The following CYGB variants were observed in gnomAD, a reference collection of about 807,000 sequenced individuals.
CYGB encodes the protein cytoglobin.
Under a neutral mutation model 20.7 loss-of-function variants are expected in CYGB, and 13 were observed. The ratio of observed to expected loss-of-function variants is 0.63; its 90% CI spans 0.41 to 1.00. The LOEUF (loss-of-function observed/expected upper bound fraction) is 1.00. Ranked by LOEUF, CYGB falls within the 50% of genes least tolerant of loss-of-function variation. The pLI, the probability that CYGB is intolerant of heterozygous loss-of-function variation, is 0.00. For synonymous variants in CYGB, 93 were observed against 107.4 expected (o/e 0.87, Z 0.83); for missense variants, 218 against 257.2 (o/e 0.85, Z 1.04).
chr17:76,537,326 GGCCCA>G, intron 1 of CYGB, 69 bp downstream of exon 1: 1 of 1,444,372 alleles, frequency 6.9e-7, no homozygotes, highest in Non-Finnish European at 9.1e-7. Context: ...CTCGGACCCG[GGCCCA>G]GCCCTCCTCT....
rs1426689313 is a variant in CYGB, at chr17:76,546,884, C to T, written c.-53+3978G>A. ...AGGAAAGTGAGGTTCACAGAACTTG[C>T]TCAAGGTCACTCATAGCTGGCAGTG... is the stretch of plus-strand genomic sequence containing the variant. On this transcript the variant is annotated intron_variant, in intron 1 of 3. Coordinates refer to the CYGB transcript ENST00000589145. The surrounding 1 kb of genome is among the most constrained non-coding windows in gnomAD (Gnocchi z 4.5). 1.3e-5 allele frequency: 2 copies of T among 152,216 alleles called. No individual in the cohort carries two copies. The highest frequency in any genetic ancestry group is 2.9e-5 in the Non-Finnish European group (2 of 68,048). The allele number at this position is 152,216 out of a possible 1,614,324, so 9.4% of individuals were successfully genotyped here.
chr17:76,540,752 G>A (rs2074982661), upstream of CYGB, among the ~76,000 whole-genome samples: 1 of 152,204 alleles, frequency 6.6e-6, no homozygotes, highest in Non-Finnish European at 1.5e-5. This position sits in a 1 kb window ranked among gnomAD's most constrained non-coding sequence, Gnocchi z 5.0. Flanking sequence ...TGTTTTCTGC[G>A]GTTGGGAATG....
Position 76,537,597 on chromosome 17 carries a change from G to C in CYGB, c.-55C>G, listed in dbSNP as rs566257286. On this transcript the variant is annotated 5_prime_UTR_variant, in exon 1 of 4. Coordinates refer to ENST00000293230, the MANE Select transcript of CYGB (RefSeq NM_134268.5). ...TCGGCGGCGGCGGTGGCGGGGCGCGGGGCGCGGGGCGCGGGGCGCCGGGAG... is the reference window on the plus strand; with the variant it reads ...TCGGCGGCGGCGGTGGCGGGGCGCGCGGCGCGGGGCGCGGGGCGCCGGGAG... 2 of 1,049,740 alleles carry C rather than the reference G, an allele frequency of 1.9e-6. No homozygotes were observed. Among genetic ancestry groups the C allele is most frequent in the South Asian group, 8.8e-5 (2 of 22,804 alleles). The allele number at this position is 1,049,740 out of a possible 1,614,324, so 65.0% of individuals were successfully genotyped here. A position where few individuals can be genotyped will look rare whatever the true frequency, so the allele number is the denominator to read the frequency against.
At chr17:76,529,556 T>C (rs1003659417) in intron 3 of CYGB, 2 of 985,200 alleles carry the variant, frequency 2.0e-6, no homozygotes, top group Admixed American at 1.2e-4. Context: ...TTGGCCCTTG[T>C]AAAAAAGCCC....
rs372700920 is a variant in CYGB, at chr17:76,544,498, C to T, written c.-53+6364G>A. 7.9e-5 allele frequency: 36 copies of T among 456,196 alleles called. No individual in the cohort carries two copies. The East Asian group carries it at 1.6e-3, about 20-fold the overall frequency. 28.3% of individuals were successfully genotyped at this position (456,196 alleles called of 1,614,324 possible). ...GGCTGGGGTGTGTGCGAAGGCAGTT[C>T]TGTGGGAGCCTCTCAAAGTAGGGCA... On this transcript the variant is annotated intron_variant, in intron 1 of 3. Transcript: ENST00000589145.
intron 1 of CYGB, chr17:76,545,146 G>A (rs1487251490): frequency 1.1e-5 from 5 of 456,676 alleles, no homozygotes; most frequent in African/African-American, 4.0e-5. Flanking sequence ...GCCCACGCTC[G>A]CCTCTTATTC....
At chr17:76,540,460 C>A, upstream of CYGB, 1 of 1,600,394 alleles carries the variant, frequency 6.2e-7, no homozygotes, top group Non-Finnish European at 8.6e-7. The surrounding 1 kb of genome is among the most constrained non-coding windows in gnomAD (Gnocchi z 5.0). Flanking sequence ...CAGTGAGGGG[C>A]TGGGCACAGC....
In CYGB at chr17:76,537,583, G is replaced by C; in HGVS notation, c.-41C>G. On this transcript the variant is annotated 5_prime_UTR_variant, in exon 1 of 4. Transcript: ENST00000293230. The stretch of plus-strand genomic sequence containing the variant: ...CAGCCCGGCTTTGCTCGGCGGCGGC[G>C]GTGGCGGGGCGCGGGGCGCGGGGCG... 3 of 1,241,620 alleles carry C rather than the reference G, an allele frequency of 2.4e-6. No individual in the cohort carries two copies. Among genetic ancestry groups the C allele is most frequent in the Non-Finnish European group, 3.1e-6 (3 of 983,368 alleles). The allele number at this position is 1,241,620 out of a possible 1,614,324, so 76.9% of individuals were successfully genotyped here. A position where few individuals can be genotyped will look rare whatever the true frequency, so the allele number is the denominator to read the frequency against.
chr17:76,550,193 T>G (rs2075096851), intron 1 of CYGB: 2 of 151,798 alleles, frequency 1.3e-5, no homozygotes, highest in African/African-American at 4.8e-5. Context: ...TGACCTCAAG[T>G]GATCCACCCG....
chr17:76,540,251 CGG>C, upstream of CYGB: 3 of 892,370 alleles, frequency 3.4e-6, no homozygotes, highest in African/African-American at 6.6e-5. This position sits in a 1 kb window ranked among gnomAD's most constrained non-coding sequence, Gnocchi z 5.0. Context: ...GGCGGTTGGT[CGG>C]GGGGGGGGGG....
Position 76,537,699 on chromosome 17 carries a change from GGTGTGT to G in CYGB, c.-163_-158del. ...AGGGAGCGTGTGTCTGTGCGCGCCG[GGTGTGT>G]GTGTGTGTGTGCGTGCGTGTGTGCA... On this transcript the variant is annotated 5_prime_UTR_variant, in exon 1 of 4. Coordinates refer to ENST00000293230, the MANE Select transcript of CYGB (RefSeq NM_134268.5). 7.2e-6 allele frequency: 4 copies of G among 555,644 alleles called. No individual in the cohort carries two copies. The highest frequency in any genetic ancestry group is 9.1e-6 in the Non-Finnish European group (4 of 440,432). 34.4% of individuals were successfully genotyped at this position (555,644 alleles called of 1,614,324 possible). A position where few individuals can be genotyped will look rare whatever the true frequency, so the allele number is the denominator to read the frequency against.
upstream of CYGB, chr17:76,540,377 G>T: frequency 7.7e-7 from 1 of 1,292,932 alleles, no homozygotes; most frequent in East Asian, 2.3e-5. The surrounding 1 kb of genome is among the most constrained non-coding windows in gnomAD (Gnocchi z 5.0). Flanking sequence ...AGAGCAGGGG[G>T]ACTTAGAGCT....
At chr17:76,539,929 C>T (rs975949469), upstream of CYGB, 25 of 605,684 alleles carry the variant, frequency 4.1e-5, no homozygotes, top group South Asian at 3.5e-4. Context: ...TTGACCCTAC[C>T]GCTGGAGGGG....
chr17:76,540,674 T>C, upstream of CYGB: 3 of 1,199,204 alleles, frequency 2.5e-6, no homozygotes, highest in South Asian at 1.3e-5. The surrounding 1 kb of genome is among the most constrained non-coding windows in gnomAD (Gnocchi z 5.0). Flanking sequence ...CGCCTGTGCG[T>C]GCACCGTATC....
chr17:76,542,741 C>G (rs772379225), intron 1 of CYGB: 89 of 740,894 alleles, frequency 1.2e-4, no homozygotes, highest in Non-Finnish European at 1.9e-4. Flanking sequence ...GTGTTCAGCT[C>G]TTGCCACTGA....
In CYGB at chr17:76,531,620, A is replaced by G; in HGVS notation, c.215T>C (p.Met72Thr). The G allele has an allele frequency of 1.9e-6, 3 of 1,613,276 alleles. No homozygotes were observed. The highest frequency in any genetic ancestry group is 2.2e-5 in the East Asian group (1 of 44,844). The stretch of plus-strand genomic sequence containing the variant: ...CTTCCGCAGCTGGGGGCTCCGCTCC[A>G]TCTCCAGGGGATCCTCCATGTGCTT... ...QFKHMEDPLEMERSPQLRKHA... is the reference protein window; with the variant it reads ...QFKHMEDPLETERSPQLRKHA... The change falls in exon 2 of 4, where the codon ATG becomes ACG. Residue 72 changes from methionine to threonine, a missense_variant. Around this residue, in one of 2 missense-constraint regions of CYGB, gnomAD observed 152 missense variants for 149.9 expected, o/e 1.01. Transcript: ENST00000293230. The surrounding 1 kb of genome is among the most constrained non-coding windows in gnomAD (Gnocchi z 7.4).
Position 76,533,622 on chromosome 17 carries a change from C to T in CYGB, c.144-1931G>A, listed in dbSNP as rs537480932. ...CCTTTGATTCCAGCTACTCAGGGGCCTAAAGTGGGAGGATCACTTGAACCC... is the reference window on the plus strand; with the variant it reads ...CCTTTGATTCCAGCTACTCAGGGGCTTAAAGTGGGAGGATCACTTGAACCC... On this transcript the variant is annotated intron_variant, in intron 1 of 3. Transcript: ENST00000293230. The surrounding 1 kb of genome is among the most constrained non-coding windows in gnomAD (Gnocchi z 4.5). Among the ~76,000 whole-genome samples the T allele has an allele frequency of 6.6e-6, 1 of 152,070 alleles. No homozygotes were observed. Among genetic ancestry groups the T allele is most frequent in the East Asian group, 1.9e-4 (1 of 5,166 alleles).
At chr17:76,542,743 T>C in intron 1 of CYGB, 2 of 733,330 alleles carry the variant, frequency 2.7e-6, no homozygotes, top group South Asian at 3.0e-5. Flanking sequence ...GTTCAGCTCT[T>C]GCCACTGATG....
chr17:76,538,894 T>C (rs1021127783), upstream of CYGB, among the ~76,000 whole-genome samples: 1 of 152,230 alleles, frequency 6.6e-6, no homozygotes, highest in Non-Finnish European at 1.5e-5. Context: ...CAAGCATTGC[T>C]AAGGGTTGGC....
Sources: gnomAD v4.1 joint callset for allele counts (sites outside exome capture counted in the v4.1 genomes callset) on GRCh38, gnomAD v4.1.1 for gene constraint, gnomAD v4.1.1 regional missense constraint, Gnocchi (gnomAD v3.1) non-coding constraint, MANE v1.5 for transcripts, NCBI Gene and HGNC (gene_info 2026-07-23, HGNC 2026-07-21) for gene names.